The following MAF variants were observed in gnomAD, a reference collection of about 807,000 sequenced individuals.
The protein encoded by MAF is MAF bZIP transcription factor, also known as transcription factor Maf.
Under a neutral mutation model 22.0 loss-of-function variants are expected in MAF, and 10 were observed. The ratio of observed to expected loss-of-function variants is 0.45; its 90% CI spans 0.28 to 0.77. The LOEUF (loss-of-function observed/expected upper bound fraction) is 0.77. MAF is among the 30% of genes least tolerant of loss of function. The pLI, the probability that MAF is intolerant of heterozygous loss-of-function variation, is 0.12. For missense variants in MAF, 544 were observed against 548.4 expected (o/e 0.99, Z 0.08); for synonymous variants, 337 against 255.8 (o/e 1.32, Z -3.03).
At chr16:79,254,307 AT>A in the MAF span, among the ~76,000 whole-genome samples, 1 of 152,114 alleles carries the variant, frequency 6.6e-6, no homozygotes, top group Non-Finnish European at 1.5e-5. Flanking sequence ...TGATAGAGTT[AT>A]TTAACACGGT....
chr16:79,407,061 A>G, the MAF span, among the ~76,000 whole-genome samples: 1 of 152,200 alleles, frequency 6.6e-6, no homozygotes, highest in Non-Finnish European at 1.5e-5. Context: ...GCCCACTTCC[A>G]GCATGTGCTA....
the MAF span, among the ~76,000 whole-genome samples, chr16:79,304,752 G>C: frequency 1.3e-5 from 2 of 152,108 alleles, no homozygotes; most frequent in African/African-American, 2.4e-5. Flanking sequence ...GTAAGCTAGG[G>C]ACCAAAAGGG....
At chr16:79,526,917 G>C in the MAF span, among the ~76,000 whole-genome samples, 3 of 152,110 alleles carry the variant, frequency 2.0e-5, no homozygotes, top group Non-Finnish European at 2.9e-5. Context: ...TAGAAAGGGG[G>C]AATTTTATTT....
the MAF span, among the ~76,000 whole-genome samples, chr16:79,523,081 C>T: frequency 0.014 from 2,202 of 152,282 alleles, 60 homozygotes; most frequent in African/African-American, 0.049. Flanking sequence ...GTATTTCTCT[C>T]CTGGCATCTA....
the MAF span, among the ~76,000 whole-genome samples, chr16:79,385,666 T>G: frequency 6.6e-6 from 1 of 152,190 alleles, no homozygotes; most frequent in African/African-American, 2.4e-5. Context: ...TTTGGGAGGC[T>G]GCGGCAGGTG....
At chr16:79,573,819 G>A in the MAF span, among the ~76,000 whole-genome samples, 1 of 152,198 alleles carries the variant, frequency 6.6e-6, no homozygotes, top group Admixed American at 6.5e-5. Context: ...AAAGTGACAA[G>A]GAAATGTCAG....
At chr16:79,481,537 C>G in the MAF span, among the ~76,000 whole-genome samples, 12 of 152,178 alleles carry the variant, frequency 7.9e-5, no homozygotes, top group African/African-American at 2.4e-4. Flanking sequence ...TCAAATTCAT[C>G]CACCCATTGA....
chr16:79,208,770 C>T, the MAF span, among the ~76,000 whole-genome samples: 1 of 152,104 alleles, frequency 6.6e-6, no homozygotes, highest in Non-Finnish European at 1.5e-5. Flanking sequence ...AAAATGAGAA[C>T]CTGTTACTAA....
chr16:79,557,507 C>T, the MAF span, among the ~76,000 whole-genome samples: 1 of 152,142 alleles, frequency 6.6e-6, no homozygotes, highest in African/African-American at 2.4e-5. Flanking sequence ...GGCATTTGTT[C>T]TAGTCTACAA....
At chr16:79,464,910 G>C in the MAF span, among the ~76,000 whole-genome samples, 1 of 152,204 alleles carries the variant, frequency 6.6e-6, no homozygotes, top group South Asian at 2.1e-4. Flanking sequence ...CACTAGACTA[G>C]AAGTTCAAGG....
At chr16:79,259,493 C>G in the MAF span, among the ~76,000 whole-genome samples, 1 of 152,164 alleles carries the variant, frequency 6.6e-6, no homozygotes, top group Non-Finnish European at 1.5e-5. Flanking sequence ...TAGGAGGTGG[C>G]TCCATGACAC....
chr16:79,292,727 A>G, the MAF span, among the ~76,000 whole-genome samples: 1 of 152,144 alleles, frequency 6.6e-6, no homozygotes, highest in African/African-American at 2.4e-5. Flanking sequence ...GGGTACAAAG[A>G]CCTTGCTGAT....
At chr16:79,441,906 T>C in the MAF span, among the ~76,000 whole-genome samples, 1 of 152,122 alleles carries the variant, frequency 6.6e-6, no homozygotes, top group African/African-American at 2.4e-5. Flanking sequence ...ATGACGAGGA[T>C]CTTTGTAAGG....
the MAF span, among the ~76,000 whole-genome samples, chr16:79,239,276 T>C: frequency 6.6e-6 from 1 of 152,208 alleles, no homozygotes; most frequent in African/African-American, 2.4e-5. Context: ...GATTGACACA[T>C]GTCTGTCACT....
the MAF span, among the ~76,000 whole-genome samples, chr16:79,236,284 C>G: frequency 2.6e-5 from 4 of 152,006 alleles, no homozygotes; most frequent in African/African-American, 9.7e-5. Context: ...GTTTGGGCAA[C>G]AGCGGGACAC....
chr16:79,568,287 T>C, the MAF span, among the ~76,000 whole-genome samples: 1 of 152,212 alleles, frequency 6.6e-6, no homozygotes, highest in Non-Finnish European at 1.5e-5. Context: ...GTCCCTGGTG[T>C]CTTCCACTGG....
chr16:79,457,309 C>G, the MAF span, among the ~76,000 whole-genome samples: 1 of 151,898 alleles, frequency 6.6e-6, no homozygotes, highest in African/African-American at 2.4e-5. Context: ...TTTGACATGG[C>G]TGCCCTCCCA....
chr16:79,245,533 C>G, the MAF span, among the ~76,000 whole-genome samples: 3,271 of 151,916 alleles, frequency 0.022, 64 homozygotes, highest in Middle Eastern at 0.071. Flanking sequence ...GTTAGAATGG[C>G]GATCATTAAA....
chr16:79,598,578 T>TC (rs1567565868), intron 1 of MAF: 5 of 1,293,814 alleles, frequency 3.9e-6, no homozygotes, highest in South Asian at 3.4e-5. Context: ...GAGCAGGGTG[T>TC]GGGGTGTGTG....
Sources: gnomAD v4.1 joint callset for allele counts (sites outside exome capture counted in the v4.1 genomes callset) on GRCh38, gnomAD v4.1.1 for gene constraint, MANE v1.5 for transcripts, NCBI Gene and HGNC (gene_info 2026-07-23, HGNC 2026-07-21) for gene names.